The following CHST11 variants were observed in gnomAD, a reference collection of about 807,000 sequenced individuals.
CHST11 encodes C4S-1.
In CHST11, 9 loss-of-function variants were observed where a neutral mutation model predicts 30.4. That is an observed-to-expected ratio of 0.30 (90% CI 0.18 to 0.52). The LOEUF is 0.52. CHST11 is among the 20% of genes least tolerant of loss of function. The pLI, the probability that CHST11 is intolerant of heterozygous loss-of-function variation, is 0.97. For missense variants in CHST11, 348 were observed against 460.6 expected (o/e 0.76, Z 2.24); for synonymous variants, 152 against 187.8 (o/e 0.81, Z 1.56).
chr12:104,653,640 C>T (rs1425840264), intron 2 of CHST11, among the ~76,000 whole-genome samples: 7 of 152,196 alleles, frequency 4.6e-5, no homozygotes, highest in Admixed American at 4.6e-4. Context: ...TGGGCCCTTA[C>T]CATGTGCCTG....
chr12:104,517,602 A>T (rs1316820865), intron 1 of CHST11, among the ~76,000 whole-genome samples: 1 of 152,058 alleles, frequency 6.6e-6, no homozygotes, highest in East Asian at 1.9e-4. Context: ...CCGGGTGATG[A>T]TGTGGAGGTG....
intron 1 of CHST11, among the ~76,000 whole-genome samples, chr12:104,515,823 C>T (rs906651626): frequency 1.7e-4 from 26 of 152,082 alleles, no homozygotes; most frequent in African/African-American, 6.0e-4. Flanking sequence ...GCTGGGGCAG[C>T]GGGGAGTCTG....
At chr12:104,685,684 T>C (rs1266988595) in intron 2 of CHST11, among the ~76,000 whole-genome samples, 1 of 152,194 alleles carries the variant, frequency 6.6e-6, no homozygotes, top group African/African-American at 2.4e-5. Flanking sequence ...ATAAATGCTA[T>C]TAGGGACTAT....
chr12:104,618,647 G>T (rs1326092640), intron 2 of CHST11, among the ~76,000 whole-genome samples: 1 of 152,134 alleles, frequency 6.6e-6, no homozygotes, highest in Non-Finnish European at 1.5e-5. Flanking sequence ...TGTGTTTTAA[G>T]AGAAGTTTCT....
intron 2 of CHST11, among the ~76,000 whole-genome samples, chr12:104,662,024 G>A (rs776358816): frequency 6.6e-6 from 1 of 152,208 alleles, no homozygotes; most frequent in Non-Finnish European, 1.5e-5. Flanking sequence ...CCATCTGGGT[G>A]GAGGTGAAGG....
chr12:104,607,773 G>A (rs1477950947), intron 2 of CHST11, among the ~76,000 whole-genome samples: 1 of 152,144 alleles, frequency 6.6e-6, no homozygotes, highest in African/African-American at 2.4e-5. Flanking sequence ...ATCAGGTCAT[G>A]TCTGCCATTC....
intron 1 of CHST11, among the ~76,000 whole-genome samples, chr12:104,560,020 G>A (rs78067166): frequency 0.015 from 2,267 of 152,340 alleles, 111 homozygotes; most frequent in East Asian, 0.14. Flanking sequence ...GGGATGGGAA[G>A]GGTGAGCCAT....
chr12:104,735,988 C>T (rs1193257357), intron 2 of CHST11, among the ~76,000 whole-genome samples: 1 of 152,028 alleles, frequency 6.6e-6, no homozygotes, highest in African/African-American at 2.4e-5. Context: ...GGGGTTGTGG[C>T]CAGGCTGTGG....
At chr12:104,473,245 A>C (rs1451962312) in intron 1 of CHST11, among the ~76,000 whole-genome samples, 1 of 152,180 alleles carries the variant, frequency 6.6e-6, no homozygotes, top group Admixed American at 6.5e-5. Context: ...TAAAGTGCAA[A>C]GTAAGAAAGA....
intron 2 of CHST11, among the ~76,000 whole-genome samples, chr12:104,702,786 G>C (rs2040000529): frequency 6.6e-6 from 1 of 152,230 alleles, no homozygotes; most frequent in Non-Finnish European, 1.5e-5. Flanking sequence ...TGTTGGCTCA[G>C]ACAGTACCAA....
intron 1 of CHST11, among the ~76,000 whole-genome samples, chr12:104,558,809 G>A (rs1201329372): frequency 6.6e-6 from 1 of 152,054 alleles, no homozygotes; most frequent in African/African-American, 2.4e-5. Flanking sequence ...AAGGTGCTGG[G>A]ATTACAGGCT....
chr12:104,720,226 G>A (rs1160353808), intron 2 of CHST11, among the ~76,000 whole-genome samples: 2 of 152,238 alleles, frequency 1.3e-5, no homozygotes, highest in African/African-American at 4.8e-5. Flanking sequence ...AGTCTACTGT[G>A]TGCCAAGCAT....
intron 2 of CHST11, among the ~76,000 whole-genome samples, chr12:104,666,032 A>C (rs548646558): frequency 4.0e-5 from 6 of 151,832 alleles, no homozygotes; most frequent in East Asian, 1.9e-4. Context: ...GTTGGCCAGG[A>C]TGGTCTTGAT....
intron 2 of CHST11, among the ~76,000 whole-genome samples, chr12:104,633,850 C>T (rs2039296929): frequency 6.6e-6 from 1 of 152,184 alleles, no homozygotes; most frequent in Non-Finnish European, 1.5e-5. Context: ...CCCACAGCTG[C>T]ATCTTCCTGT....
At chr12:104,485,773 A>T (rs1014843327) in intron 1 of CHST11, among the ~76,000 whole-genome samples, 1 of 129,350 alleles carries the variant, frequency 7.7e-6, no homozygotes, top group South Asian at 2.4e-4. Flanking sequence ...GGGACTTATC[A>T]TGAGTTCTTG....
At chr12:104,682,080 G>T (rs980368641) in intron 2 of CHST11, among the ~76,000 whole-genome samples, 1 of 152,064 alleles carries the variant, frequency 6.6e-6, no homozygotes, top group Non-Finnish European at 1.5e-5. Context: ...TGTTCCACCT[G>T]CCTCGGCCTC....
intron 1 of CHST11, among the ~76,000 whole-genome samples, chr12:104,593,982 C>T (rs1006393841): frequency 7.2e-5 from 11 of 152,226 alleles, no homozygotes; most frequent in Non-Finnish European, 1.6e-4. Context: ...AACATGCTAA[C>T]TCCTCTTCTT....
chr12:104,591,450 T>G (rs115705994), intron 1 of CHST11, among the ~76,000 whole-genome samples: 137 of 151,848 alleles, frequency 9.0e-4, no homozygotes, highest in African/African-American at 3.0e-3. Flanking sequence ...GGGTGGGGCA[T>G]AGCAGACAGA....
At chr12:104,544,138 A>AAAAGAAAGAAAGAAAGAAAGAAAGAAAG (rs59116085) in intron 1 of CHST11, among the ~76,000 whole-genome samples, 108 of 71,710 alleles carry the variant, frequency 1.5e-3, no homozygotes, top group African/African-American at 3.1e-3. Flanking sequence ...AAAAAAAAAA[A>AAAAGAAAGAAAGAAAGAAAGAAAGAAAG]AAAGAAAGAA....
Sources: allele counts gnomAD v4.1 joint callset (sites outside exome capture counted in the v4.1 genomes callset), GRCh38; gene constraint gnomAD v4.1.1; transcripts MANE v1.5; gene names NCBI Gene and HGNC (gene_info 2026-07-23, HGNC 2026-07-21).